HDAC3: variants seen among roughly 807,000 people sequenced by gnomAD.
The protein encoded by HDAC3 is histone deacetylase 3.
A neutral mutation model predicts 62.3 loss-of-function variants in HDAC3; 21 were observed. The observed-to-expected ratio is 0.34, with a 90% CI of 0.24 to 0.49. The LOEUF is 0.49. Among genes scored for constraint, HDAC3 ranks in the 20% least tolerant of loss-of-function variants. HDAC3 has a pLI of 0.99. For missense variants in HDAC3, 270 were observed against 556.9 expected (o/e 0.48, Z 5.19); for synonymous variants, 198 against 206.5 (o/e 0.96, Z 0.35).
At position 141,626,201 on chromosome 5, in the gene HDAC3, G is replaced by A. The variant is rs747678007; in HGVS notation, c.913C>T (p.Arg305Cys). The change falls in exon 11 of 15, where the codon CGC becomes TGC. Residue 305 changes from arginine (R) to cysteine (C), a missense_variant. Physicochemically the swap from Arg to Cys is radical, Grantham distance 180. Coordinates refer to ENST00000305264, the MANE Select transcript of HDAC3 (RefSeq NM_003883.4). This position sits in a 1 kb window ranked among gnomAD's most constrained non-coding sequence, Gnocchi z 4.6. ...AATCAGGAGAGTGCTCACCAGCAGC[G>A]GGCAACATTTCGGACAGTATAACCA... The part of the protein sequence containing the change: ...GGGYTVRNVA[R>C]CWTYETSLLV... 1.9e-6 allele frequency: 3 copies of A among 1,613,934 alleles called. No homozygotes were observed. Among genetic ancestry groups the A allele is most frequent in the African/African-American group, 2.7e-5 (2 of 75,020 alleles).
At position 141,634,969 on chromosome 5, in the gene HDAC3, CA is replaced by C. The variant is rs1485347234; in HGVS notation, c.139-17del. 5 of 1,612,562 alleles carry C rather than the reference CA, an allele frequency of 3.1e-6. No homozygotes were observed. In the South Asian group the frequency reaches 4.4e-5, roughly 14 times the overall value. On this transcript the variant is annotated splice_polypyrimidine_tract_variant and intron_variant, in intron 2 of 14. Transcript: ENST00000305264. ...GCTTGAAGACCTCGGGATGGAGACA[CA>C]AGATGAACCCAGGCAGGGTCAGCCC... is the stretch of plus-strand genomic sequence containing the variant.
chr5:141,632,688 G>A (rs894968102), intron 3 of HDAC3, among the ~76,000 whole-genome samples: 16 of 152,202 alleles, frequency 1.1e-4, no homozygotes, highest in African/African-American at 3.9e-4. Flanking sequence ...AACACCAAAT[G>A]AGCAGTGCAG....
In HDAC3 at chr5:141,629,479, G is replaced by A; in HGVS notation, c.477-173C>T. ...GCTCCAGCCTAGAGGCTAGAGGCAG[G>A]GACAGGAGAGGGATATGCAGAGAAG... On this transcript the variant is annotated intron_variant, in intron 6 of 14. Transcript: ENST00000305264. This position sits in a 1 kb window ranked among gnomAD's most constrained non-coding sequence, Gnocchi z 5.3. 1.1e-5 allele frequency: 10 copies of A among 946,046 alleles called. No homozygotes were observed. Among genetic ancestry groups the A allele is most frequent in the Non-Finnish European group, 1.6e-5 (10 of 624,650 alleles). The allele number at this position is 946,046 out of a possible 1,614,324, so 58.6% of individuals were successfully genotyped here. A position where few individuals can be genotyped will look rare whatever the true frequency, so the allele number is the denominator to read the frequency against.
Position 141,621,420 on chromosome 5 carries a change from C to G in HDAC3, c.*48G>C. Reference sequence around the variant, plus strand: ...GCCACTCCTTTTCCCTCCAGCCCAACCAAGAGGTGAAAAGAAATTCCTTGG... The same window carrying G: ...GCCACTCCTTTTCCCTCCAGCCCAAGCAAGAGGTGAAAAGAAATTCCTTGG... On this transcript the variant is annotated 3_prime_UTR_variant, in exon 15 of 15. Transcript: ENST00000305264. 1 of 1,557,912 alleles carries G rather than the reference C, an allele frequency of 6.4e-7. No homozygotes were observed. Among genetic ancestry groups the G allele is most frequent in the East Asian group, 2.2e-5 (1 of 44,554 alleles).
At chr5:141,634,086 T>C (rs1023036667) in intron 3 of HDAC3, among the ~76,000 whole-genome samples, 5 of 152,216 alleles carry the variant, frequency 3.3e-5, no homozygotes, top group African/African-American at 9.7e-5. Flanking sequence ...CTGACTCTTC[T>C]ATGGATGATA....
intron 3 of HDAC3, among the ~76,000 whole-genome samples, chr5:141,634,025 T>C (rs1405618616): frequency 1.3e-5 from 2 of 152,036 alleles, no homozygotes; most frequent in South Asian, 2.1e-4. Context: ...GGATATAGAG[T>C]AGAGTGTGGC....
Position 141,628,249 on chromosome 5 carries a change from A to C in HDAC3, c.692-62T>G, listed in dbSNP as rs555013321. Reference sequence around the variant, plus strand: ...AGGGGATGGGGAGACAGGGAACAAAAGGAAAAAGGGGGTTGAGCGAGCATG... The same window carrying C: ...AGGGGATGGGGAGACAGGGAACAAACGGAAAAAGGGGGTTGAGCGAGCATG... On this transcript the variant is annotated intron_variant, in intron 8 of 14. Coordinates refer to ENST00000305264, the MANE Select transcript of HDAC3 (RefSeq NM_003883.4). This position sits in a 1 kb window ranked among gnomAD's most constrained non-coding sequence, Gnocchi z 4.7. The C allele has an allele frequency of 1.4e-6, 2 of 1,415,738 alleles. No individual in the cohort carries two copies. The highest frequency in any genetic ancestry group is 2.3e-5 in the South Asian group (2 of 86,656). The allele number at this position is 1,415,738 out of a possible 1,614,324, so 87.7% of individuals were successfully genotyped here.
At chr5:141,624,544 G>T (rs1318528287) in intron 14 of HDAC3, among the ~76,000 whole-genome samples, 1 of 136,438 alleles carries the variant, frequency 7.3e-6, no homozygotes, top group Non-Finnish European at 1.5e-5. Flanking sequence ...GTGACAGAAT[G>T]AGACCCTGTC....
intron 3 of HDAC3, among the ~76,000 whole-genome samples, chr5:141,634,132 CCTT>C (rs2099905633): frequency 6.6e-6 from 1 of 152,172 alleles, no homozygotes; most frequent in South Asian, 2.1e-4. Flanking sequence ...TCAAACCACT[CCTT>C]CGTTGTTTTT....
chr5:141,636,167 G>A (rs2099905961), intron 2 of HDAC3: 1 of 219,750 alleles, frequency 4.6e-6, no homozygotes, highest in Admixed American at 5.0e-5. Flanking sequence ...TGGGAACTGA[G>A]GGTAAACCTC....
At chr5:141,636,267 CCTT>C (rs976283780) in intron 2 of HDAC3, 6 of 490,026 alleles carry the variant, frequency 1.2e-5, no homozygotes, top group African/African-American at 1.2e-4. Context: ...GAGGAACACA[CCTT>C]CTGTCTTCAA....
intron 3 of HDAC3, among the ~76,000 whole-genome samples, chr5:141,633,454 T>TGGA (rs548912428): frequency 1.7e-3 from 261 of 152,292 alleles, no homozygotes; most frequent in African/African-American, 6.1e-3. Flanking sequence ...TAATAAAATA[T>TGGA]TTATGGATAA....
chr5:141,621,553 A>G lies in HDAC3; in HGVS notation c.1218-16T>C. The G allele has an allele frequency of 6.2e-7, 1 of 1,605,730 alleles. No homozygotes were observed. Among genetic ancestry groups the G allele is most frequent in the Non-Finnish European group, 8.5e-7 (1 of 1,173,962 alleles). On this transcript the variant is annotated splice_polypyrimidine_tract_variant and intron_variant, in intron 14 of 14. Coordinates refer to ENST00000305264, the MANE Select transcript of HDAC3 (RefSeq NM_003883.4). ...TGCCTCTGGCCTGCAAAGCAAGGGG[A>G]GAGAGGTCAGGATCTCACTCTAAGT...
In HDAC3 at chr5:141,628,886, T is replaced by C. The variant is rs1040388311; in HGVS notation, c.611-247A>G. 2.6e-5 allele frequency among the ~76,000 whole-genome samples: 4 copies of C among 152,112 alleles called. No individual in the cohort carries two copies. The highest frequency in any genetic ancestry group is 1.3e-4 in the Admixed American group (2 of 15,260). On this transcript the variant is annotated intron_variant, in intron 7 of 14. Coordinates refer to ENST00000305264, the MANE Select transcript of HDAC3 (RefSeq NM_003883.4). This position sits in a 1 kb window ranked among gnomAD's most constrained non-coding sequence, Gnocchi z 4.7. ...AATGGAACTAATGAAATTTACGATA[T>C]CCCACCACGCTTATATTCTTAGGGA...
chr5:141,629,727 A>G lies in HDAC3; in HGVS notation c.433T>C (p.Cys145Arg), dbSNP rs1424644860. ...HAKKFEASGF[C>R]YVNDIVIGIL... ...CCAATCACAATGTCGTTGACATAGC[A>G]GAAGCCAGAGGCCTATGGCAAGACA... is the stretch of plus-strand genomic sequence containing the variant. The change falls in exon 6 of 15, where the codon TGC (cysteine) becomes CGC (arginine). Residue 145 changes from cysteine to arginine, a missense_variant. Coordinates refer to ENST00000305264, the MANE Select transcript of HDAC3 (RefSeq NM_003883.4). The surrounding 1 kb of genome is among the most constrained non-coding windows in gnomAD (Gnocchi z 5.3). The G allele has an allele frequency of 6.2e-7, 1 of 1,614,026 alleles. No individual in the cohort carries two copies. The highest frequency in any genetic ancestry group is 1.3e-5 in the African/African-American group (1 of 74,908).
At chr5:141,632,470 A>C (rs2099905364) in intron 3 of HDAC3, among the ~76,000 whole-genome samples, 2 of 152,210 alleles carry the variant, frequency 1.3e-5, no homozygotes, top group Non-Finnish European at 2.9e-5. Flanking sequence ...GCACAACTGT[A>C]ACTTGTTTGA....
rs775262631 is a variant in HDAC3, at chr5:141,629,770, A to G, written c.421-31T>C. Reference sequence around the variant, plus strand: ...GCAAGACAGTGGTCTCATAAAGAGAAGAGCAATTCCCCTCCCAGCTGCCCC... The same window carrying G: ...GCAAGACAGTGGTCTCATAAAGAGAGGAGCAATTCCCCTCCCAGCTGCCCC... On this transcript the variant is annotated intron_variant, in intron 5 of 14. Transcript: ENST00000305264. This position sits in a 1 kb window ranked among gnomAD's most constrained non-coding sequence, Gnocchi z 5.3. 1.2e-5 allele frequency: 20 copies of G among 1,613,448 alleles called. No individual in the cohort carries two copies. The Admixed American group carries it at 2.3e-4, about 19-fold the overall frequency.
rs77354213 is a variant in HDAC3 at position 141,626,367 on chromosome 5, C to A, written c.831-84G>T. On this transcript the variant is annotated intron_variant, in intron 10 of 14. Transcript: ENST00000305264. The surrounding 1 kb of genome is among the most constrained non-coding windows in gnomAD (Gnocchi z 4.6). ...CTTTAGGTATTGCCTGAAAGGAGCA[C>A]AAGAAAACTATAAATGTTCTAAATC... 2.2e-6 allele frequency: 2 copies of A among 923,892 alleles called. No homozygotes were observed. The highest frequency in any genetic ancestry group is 1.7e-6 in the Non-Finnish European group (1 of 573,728). 57.2% of individuals were successfully genotyped at this position (923,892 alleles called of 1,614,324 possible).
Position 141,629,057 on chromosome 5 carries a change from A to G in HDAC3, c.610+116T>C. 3.9e-6 allele frequency: 4 copies of G among 1,025,752 alleles called. No individual in the cohort carries two copies. In the South Asian group the frequency reaches 4.7e-5, roughly 12 times the overall value. 63.5% of individuals were successfully genotyped at this position (1,025,752 alleles called of 1,614,324 possible). ...AGGTGATTATGATAACTGGAGTGGT[A>G]AGGAAAGGCTTCTCTGAGGAGGGGA... On this transcript the variant is annotated intron_variant, in intron 7 of 14. Coordinates refer to ENST00000305264, the MANE Select transcript of HDAC3 (RefSeq NM_003883.4). This position sits in a 1 kb window ranked among gnomAD's most constrained non-coding sequence, Gnocchi z 5.3.
Sources: gnomAD v4.1 joint callset for allele counts (sites outside exome capture counted in the v4.1 genomes callset) on GRCh38, gnomAD v4.1.1 for gene constraint, Gnocchi (gnomAD v3.1) non-coding constraint, MANE v1.5 for transcripts, NCBI Gene and HGNC (gene_info 2026-07-23, HGNC 2026-07-21) for gene names.